The following PIGG variants were observed in gnomAD, a reference collection of about 807,000 sequenced individuals.
PIGG encodes phosphatidylinositol glycan anchor biosynthesis class G (EMM blood group), also known as GPI ethanolamine phosphate transferase 2, catalytic subunit.
A neutral mutation model predicts 83.2 loss-of-function variants in PIGG; 70 were observed. The observed-to-expected ratio is 0.84, with a 90% CI of 0.69 to 1.03. The LOEUF is 1.03. Among genes scored for constraint, PIGG ranks in the 50% least tolerant of loss-of-function variants. PIGG has a pLI of 0.00. For missense variants in PIGG, 1,257 were observed against 1,233.6 expected (o/e 1.02, Z -0.28); for synonymous variants, 532 against 519.5 (o/e 1.02, Z -0.33).
rs772520755 is a variant in PIGG at position 515,192 on chromosome 4, G to T, written c.902-781G>T. 6.6e-6 allele frequency among the ~76,000 whole-genome samples: 1 copy of T among 152,256 alleles called. No individual in the cohort carries two copies. The highest frequency in any genetic ancestry group is 1.5e-5 in the Non-Finnish European group (1 of 68,050). ...GTAGCCGTCCCTGTGGCCTCTTGGC[G>T]CCCTGCCGGTGTACGTTGAATTCCA... is the stretch of plus-strand genomic sequence containing the variant. On this transcript the variant is annotated intron_variant, in intron 5 of 12. Transcript: ENST00000453061. The surrounding 1 kb of genome is among the most constrained non-coding windows in gnomAD (Gnocchi z 4.2).
At position 515,173 on chromosome 4, in the gene PIGG, G is replaced by A. The variant is rs550654668; in HGVS notation, c.902-800G>A. ...CACGCACCACCTATCCTGAGTAGCC[G>A]TCCCTGTGGCCTCTTGGCGCCCTGC... On this transcript the variant is annotated intron_variant, in intron 5 of 12. Transcript: ENST00000453061. This position sits in a 1 kb window ranked among gnomAD's most constrained non-coding sequence, Gnocchi z 4.2. Among the ~76,000 whole-genome samples the A allele has an allele frequency of 3.0e-4, 46 of 152,354 alleles. No individual in the cohort carries two copies. The East Asian group carries it at 4.4e-3, about 15-fold the overall frequency.
chr4:502,293 C>T (rs1252258675), intron 2 of PIGG: 1 of 152,112 alleles, frequency 6.6e-6, no homozygotes, highest in African/African-American at 2.4e-5. Flanking sequence ...ATTTTCAGTC[C>T]TTTGAGGATT....
chr4:521,259 G>A lies in PIGG; in HGVS notation c.1318G>A (p.Val440Ile), dbSNP rs756624681. 2.5e-6 allele frequency: 4 copies of A among 1,612,624 alleles called. No individual in the cohort carries two copies. Among genetic ancestry groups the A allele is most frequent in the South Asian group, 2.2e-5 (2 of 91,058 alleles). Residue 440 changes from valine (V) to isoleucine (I), a missense_variant, in exon 7 of 13, where the codon GTC (valine) becomes ATC (isoleucine). Physicochemically the swap from Val to Ile is conservative, Grantham distance 29. Transcript: ENST00000453061. ...CATCTATTCGATGATGGTGGGGACT[G>A]TCGTGGTTTTGGAGGTACAGATGCT... ...YDIYSMMVGT[V>I]VVLEVLTLLL...
chr4:539,342 G>A lies in PIGG; in HGVS notation c.2925G>A (p.Met975Ile), dbSNP rs1731527446. 3 of 1,611,082 alleles carry A rather than the reference G, an allele frequency of 1.9e-6. No individual in the cohort carries two copies. Among genetic ancestry groups the A allele is most frequent in the Non-Finnish European group, 2.5e-6 (3 of 1,177,540 alleles). Residue 975 changes from methionine to isoleucine, a missense_variant, in exon 13 of 13, where the codon ATG becomes ATA. Met to Ile is a conservative substitution (Grantham distance 10, BLOSUM62 1). Coordinates refer to ENST00000453061, the MANE Select transcript of PIGG (RefSeq NM_001127178.3). ...CTGTCTGTGTATTCTTCACGGCAAT[G>A]GATCAAACCAGACTCACACAGTCTT... The part of the protein sequence containing the change: ...TAAVCVFFTA[M>I]DQTRLTQS
chr4:511,071 A>T (rs1721739130), intron 5 of PIGG, among the ~76,000 whole-genome samples: 1 of 152,242 alleles, frequency 6.6e-6, no homozygotes, highest in South Asian at 2.1e-4. Flanking sequence ...AGGTGGGTGG[A>T]TCACCTGAGA....
rs139385950 is a variant in PIGG at position 515,576 on chromosome 4, C to T, written c.902-397C>T. On this transcript the variant is annotated intron_variant, in intron 5 of 12. Coordinates refer to ENST00000453061, the MANE Select transcript of PIGG (RefSeq NM_001127178.3). This position sits in a 1 kb window ranked among gnomAD's most constrained non-coding sequence, Gnocchi z 4.2. ...GGGCAGAGCATGGGATGCTCCAAAT[C>T]CAGAGGGGCCGGGCTGTCAGCGATC... Among the ~76,000 whole-genome samples the T allele has an allele frequency of 1.2e-4, 19 of 152,356 alleles. No individual in the cohort carries two copies. Among genetic ancestry groups the T allele is most frequent in the Admixed American group, 7.8e-4 (12 of 15,302 alleles).
chr4:529,990 A>G (rs1389511685), intron 10 of PIGG, among the ~76,000 whole-genome samples: 1 of 152,224 alleles, frequency 6.6e-6, no homozygotes, highest in Non-Finnish European at 1.5e-5. Flanking sequence ...GTACCTGTAA[A>G]TGTGCAAATC....
chr4:524,814 T>G (rs901474338), intron 9 of PIGG: 2 of 152,198 alleles, frequency 1.3e-5, no homozygotes, highest in Admixed American at 6.5e-5. Context: ...CCCGCTACCA[T>G]GCCTGGCTAA....
Position 507,579 on chromosome 4 carries a change from T to C in PIGG, c.745T>C (p.Ser249Pro), listed in dbSNP as rs1258820120. The change falls in exon 4 of 13, where the codon TCA becomes CCA. Residue 249 changes from serine to proline, a missense_variant. By Grantham distance (74) the Ser-to-Pro change is moderately conservative. Transcript: ENST00000453061. ...MDSVLMKIHT[S>P]LQSKERETPL... ...CAGCGTGCTGATGAAGATCCACACC[T>C]CACTGCAGTCGAAGGTGAGGCTCGC... The C allele has an allele frequency of 6.2e-7, 1 of 1,612,158 alleles. No individual in the cohort carries two copies. Among genetic ancestry groups the C allele is most frequent in the East Asian group, 2.2e-5 (1 of 44,824 alleles).
At position 515,253 on chromosome 4, in the gene PIGG, A is replaced by T. The variant is rs1276934138; in HGVS notation, c.902-720A>T. 6.6e-6 allele frequency among the ~76,000 whole-genome samples: 1 copy of T among 152,202 alleles called. No homozygotes were observed. The highest frequency in any genetic ancestry group is 1.9e-4 in the East Asian group (1 of 5,200). ...CTGTTTGCTGTCTTTACAGATGAAA[A>T]CACTTCGACCAAGTTGAGTTTCTGC... On this transcript the variant is annotated intron_variant, in intron 5 of 12. Transcript: ENST00000453061. The surrounding 1 kb of genome is among the most constrained non-coding windows in gnomAD (Gnocchi z 4.2).
In PIGG at chr4:515,565, A is replaced by T. The variant is rs1259200580; in HGVS notation, c.902-408A>T. 1.3e-5 allele frequency among the ~76,000 whole-genome samples: 2 copies of T among 152,192 alleles called. No homozygotes were observed. The highest frequency in any genetic ancestry group is 1.3e-4 in the Admixed American group (2 of 15,286). On this transcript the variant is annotated intron_variant, in intron 5 of 12. Transcript: ENST00000453061. The surrounding 1 kb of genome is among the most constrained non-coding windows in gnomAD (Gnocchi z 4.2). Reference sequence around the variant, plus strand: ...GTGCTCGTAGAGGGCAGAGCATGGGATGCTCCAAATCCAGAGGGGCCGGGC... The same window carrying T: ...GTGCTCGTAGAGGGCAGAGCATGGGTTGCTCCAAATCCAGAGGGGCCGGGC...
In PIGG at chr4:521,192, G is replaced by A. The variant is rs1725758258; in HGVS notation, c.1251G>A (p.Lys417=). Residue 417 remains lysine, a synonymous_variant, in exon 7 of 13, where the codon AAG becomes AAA. Coordinates refer to ENST00000453061, the MANE Select transcript of PIGG (RefSeq NM_001127178.3). The part of the protein sequence containing the change: ...KVLRQYLDAL[K]TLSLSLSAQV... ...TCAGGCAGTACCTGGATGCTCTGAA[G>A]ACGCTGAGCTTGTCCCTGAGTGCAC... The A allele has an allele frequency of 6.2e-7, 1 of 1,614,016 alleles. No individual in the cohort carries two copies. The highest frequency in any genetic ancestry group is 1.1e-5 in the South Asian group (1 of 91,092).
In PIGG at chr4:535,048, C is replaced by T. The variant is rs184943640; in HGVS notation, c.2735+1067C>T. Among the ~76,000 whole-genome samples the T allele has an allele frequency of 7.9e-5, 12 of 152,360 alleles. No individual in the cohort carries two copies. The East Asian group carries it at 2.3e-3, about 29-fold the overall frequency. ...CCTCATCGTATGTTTCTTGCTCCCC[C>T]AAGAAAGGAGGCTTTGTGAGGCAGG... On this transcript the variant is annotated intron_variant, in intron 12 of 12. Coordinates refer to ENST00000453061, the MANE Select transcript of PIGG (RefSeq NM_001127178.3).
intron 6 of PIGG, among the ~76,000 whole-genome samples, chr4:516,819 G>A (rs1247929993): frequency 1.5e-5 from 2 of 134,888 alleles, no homozygotes; most frequent in African/African-American, 2.9e-5. Context: ...TCGCGCTACT[G>A]CACTCCAGCC....
At chr4:527,851 CG>C (rs1219361898) in intron 10 of PIGG, 1 of 985,230 alleles carries the variant, frequency 1.0e-6, no homozygotes, top group Non-Finnish European at 1.2e-6. Flanking sequence ...GAGCAGAGGC[CG>C]TTCTGGAGGG....
intron 10 of PIGG, chr4:527,668 T>A: frequency 4.0e-6 from 4 of 988,304 alleles, no homozygotes; most frequent in Non-Finnish European, 4.8e-6. Flanking sequence ...GAAATGAAGC[T>A]TGCTGGAAAA....
At chr4:533,525 G>C (rs1729595115) in intron 11 of PIGG, 1 of 421,230 alleles carries the variant, frequency 2.4e-6, no homozygotes, top group African/African-American at 2.0e-5. Context: ...CAGCCAGCCG[G>C]TCTGTGTGTG....
chr4:530,603 G>A lies in PIGG; in HGVS notation c.2429G>A (p.Arg810Lys). 1 of 1,613,908 alleles carries A rather than the reference G, an allele frequency of 6.2e-7. No individual in the cohort carries two copies. Among genetic ancestry groups the A allele is most frequent in the East Asian group, 2.2e-5 (1 of 44,872 alleles). Reference protein sequence around the residue: ...GLVLLAALLFRPHNLPVLAFS... With the variant: ...GLVLLAALLFKPHNLPVLAFS... ...GTTCTTCTGGCAGCCTTGCTCTTTA[G>A]ACCACATAATCTTCCGGTCTTAGCA... The change falls in exon 11 of 13, where the codon AGA (arginine) becomes AAA (lysine). Residue 810 changes from arginine (R) to lysine (K), a missense_variant. Transcript: ENST00000453061.
intron 5 of PIGG, among the ~76,000 whole-genome samples, chr4:513,174 G>C (rs1722776089): frequency 1.3e-5 from 2 of 152,208 alleles, no homozygotes; most frequent in South Asian, 2.1e-4. Flanking sequence ...TCCAGAGACT[G>C]TGAATGGTGG....
Sources: allele counts gnomAD v4.1 joint callset (sites outside exome capture counted in the v4.1 genomes callset), GRCh38; gene constraint gnomAD v4.1.1; non-coding constraint Gnocchi (gnomAD v3.1); transcripts MANE v1.5; gene names NCBI Gene and HGNC (gene_info 2026-07-23, HGNC 2026-07-21).